The following SEMA6A variants were observed in gnomAD, a reference collection of about 807,000 sequenced individuals.
The protein encoded by SEMA6A is semaphorin 6A.
SEMA6A carries 25 observed loss-of-function variants against 96.8 expected under a neutral mutation model. The observed-to-expected ratio is 0.26, with a 90% CI of 0.19 to 0.36. SEMA6A has a LOEUF of 0.36. Among genes scored for constraint, SEMA6A ranks in the 10% least tolerant of loss-of-function variants. The pLI is 1.00. For synonymous variants in SEMA6A, 612 were observed against 518.0 expected (o/e 1.18, Z -2.46); for missense variants, 1,363 against 1,323.1 (o/e 1.03, Z -0.47).
intron 1 of SEMA6A, among the ~76,000 whole-genome samples, chr5:116,551,651 TG>T (rs1430559800): frequency 4.4e-4 from 67 of 152,196 alleles, no homozygotes; most frequent in African/African-American, 1.5e-3. Flanking sequence ...TGCAGGTCAG[TG>T]ACATGCAGTC....
intron 1 of SEMA6A, among the ~76,000 whole-genome samples, chr5:116,518,720 G>C (rs1432601506): frequency 6.6e-6 from 1 of 152,174 alleles, no homozygotes; most frequent in Non-Finnish European, 1.5e-5. Flanking sequence ...ACAGAAAATG[G>C]ATAAACGTCT....
rs964318494 is a variant in SEMA6A, at chr5:116,455,016, T to C, written c.1895-7205A>G. On this transcript the variant is annotated intron_variant, in intron 18 of 18. Transcript: ENST00000343348. ...CATATTGAAATAATGCTTGGAGTGG[T>C]TGACTGTAGATGAACCCACTTCCAC... Among the ~76,000 whole-genome samples the C allele has an allele frequency of 3.3e-5, 5 of 152,280 alleles. No individual in the cohort carries two copies. The East Asian group carries it at 5.8e-4, about 18-fold the overall frequency.
intron 18 of SEMA6A, among the ~76,000 whole-genome samples, chr5:116,457,720 T>C (rs1755104170): frequency 6.6e-6 from 1 of 152,100 alleles, no homozygotes; most frequent in Non-Finnish European, 1.5e-5. Flanking sequence ...TCCACTACAT[T>C]TCGGTAGTAT....
At chr5:116,450,944 G>T (rs1052358404) in intron 18 of SEMA6A, among the ~76,000 whole-genome samples, 2 of 152,174 alleles carry the variant, frequency 1.3e-5, no homozygotes, top group Non-Finnish European at 2.9e-5. Flanking sequence ...GGCCAAAGAA[G>T]CATTCACAGA....
Position 116,475,568 on chromosome 5 carries a change from G to A in SEMA6A, c.1685C>T (p.Thr562Ile). 6.2e-7 allele frequency: 1 copy of A among 1,603,998 alleles called. No individual in the cohort carries two copies. The highest frequency in any genetic ancestry group is 1.3e-5 in the African/African-American group (1 of 74,884). The change falls in exon 16 of 19, where the codon ACA (threonine) becomes ATA (isoleucine). Residue 562 changes from threonine to isoleucine, a missense_variant. Transcript: ENST00000343348. Reference sequence around the variant, plus strand: ...ACTGTGACAGTCCCCCAGACCATCTGTATTGCCACGCTCTATGTCCTGCTC... The same window carrying A: ...ACTGTGACAGTCCCCCAGACCATCTATATTGCCACGCTCTATGTCCTGCTC... ...TFEQDIERGN[T>I]DGLGDCHNSF... is the part of the protein sequence containing the mutation.
chr5:116,462,741 T>G (rs982391604), intron 18 of SEMA6A, among the ~76,000 whole-genome samples: 1 of 152,182 alleles, frequency 6.6e-6, no homozygotes, highest in Non-Finnish European at 1.5e-5. Context: ...TTCTTCCAAA[T>G]GTCAGAACAA....
intron 18 of SEMA6A, among the ~76,000 whole-genome samples, chr5:116,465,715 G>C (rs938935999): frequency 6.6e-6 from 1 of 152,140 alleles, no homozygotes; most frequent in Non-Finnish European, 1.5e-5. Context: ...TTAACGATTA[G>C]AGAAAATTCA....
Position 116,447,040 on chromosome 5 carries a change from C to G in SEMA6A, c.2666G>C (p.Gly889Ala). Residue 889 changes from glycine to alanine, a missense_variant, in exon 19 of 19, where the codon GGT (glycine) becomes GCT (alanine). By Grantham distance (60) the Gly-to-Ala change is moderately conservative (BLOSUM62 0). This residue lies in a region of SEMA6A where 883 missense variants were observed against 763.6 expected (regional missense o/e 1.16). Transcript: ENST00000343348. ...CTGAGACAGGGAGGCTCCCGGGGGA[C>G]CCAGGGAGGCCTCCCGCTGTGGAAC... ...PKVPQREASL[G>A]PPGASLSQTG... is the part of the protein sequence containing the mutation. The G allele has an allele frequency of 6.2e-7, 1 of 1,613,906 alleles. No homozygotes were observed. Among genetic ancestry groups the G allele is most frequent in the Non-Finnish European group, 8.5e-7 (1 of 1,179,866 alleles).
intron 1 of SEMA6A, among the ~76,000 whole-genome samples, chr5:116,512,528 A>C (rs1758458456): frequency 6.6e-6 from 1 of 152,212 alleles, no homozygotes; most frequent in African/African-American, 2.4e-5. Context: ...TAGATCTGAA[A>C]CCACTATCAC....
chr5:116,495,469 C>T lies in SEMA6A; in HGVS notation c.388G>A (p.Asp130Asn). 6.2e-7 allele frequency: 1 copy of T among 1,609,486 alleles called. No homozygotes were observed. The change falls in exon 6 of 19, where the codon GAT (aspartate) becomes AAT (asparagine). Residue 130 changes from aspartate to asparagine, a missense_variant. Asp to Asn is a conservative substitution (Grantham distance 23). Transcript: ENST00000343348. ...FIKVLLKKNDDALFVCGTNAF... is the reference protein window; with the variant it reads ...FIKVLLKKNDNALFVCGTNAF... Reference sequence around the variant, plus strand: ...TTAGTTCCACAGACAAACAATGCATCATCGTTTTTCTTTAGAAGAACTTTA... The same window carrying T: ...TTAGTTCCACAGACAAACAATGCATTATCGTTTTTCTTTAGAAGAACTTTA...
At chr5:116,487,378 T>G (rs1757110446) in intron 9 of SEMA6A, 2 of 180,406 alleles carry the variant, frequency 1.1e-5, no homozygotes, top group East Asian at 1.6e-4. Context: ...CTTAGGGACC[T>G]TGATCTACTC....
chr5:116,472,821 A>G (rs1346767449), intron 17 of SEMA6A: 3 of 1,273,510 alleles, frequency 2.4e-6, no homozygotes, highest in Admixed American at 3.0e-5. Flanking sequence ...AATGAAAACT[A>G]TAAACTACTG....
At chr5:116,565,000 A>G (rs1397835517) in intron 1 of SEMA6A, among the ~76,000 whole-genome samples, 1 of 152,256 alleles carries the variant, frequency 6.6e-6, no homozygotes, top group Non-Finnish European at 1.5e-5. Context: ...CAAATTATGG[A>G]GCAGAAATTT....
chr5:116,478,927 A>AGT (rs1312532391), intron 12 of SEMA6A, among the ~76,000 whole-genome samples: 5 of 90,102 alleles, frequency 5.5e-5, no homozygotes, highest in Non-Finnish European at 1.2e-4. Flanking sequence ...GAGGTGTGAG[A>AGT]GAGTGTGTGT....
chr5:116,552,520 C>T (rs1168793924), intron 1 of SEMA6A, among the ~76,000 whole-genome samples: 1 of 151,984 alleles, frequency 6.6e-6, no homozygotes, highest in Non-Finnish European at 1.5e-5. Flanking sequence ...TGAAATACTC[C>T]GGGTTCATTA....
At chr5:116,533,622 A>T (rs1759585235) in intron 1 of SEMA6A, among the ~76,000 whole-genome samples, 1 of 152,200 alleles carries the variant, frequency 6.6e-6, no homozygotes, top group Non-Finnish European at 1.5e-5. Flanking sequence ...AGGACTGTGA[A>T]ACAAATTTAG....
At chr5:116,541,595 A>G (rs1759965437) in intron 1 of SEMA6A, among the ~76,000 whole-genome samples, 1 of 152,162 alleles carries the variant, frequency 6.6e-6, no homozygotes, top group Non-Finnish European at 1.5e-5. Context: ...CACTTTGGGA[A>G]GCTGAGGTGA....
Position 116,475,600 on chromosome 5 carries a change from C to A in SEMA6A, c.1653G>T (p.Leu551=). 1.3e-6 allele frequency: 2 copies of A among 1,598,658 alleles called. No homozygotes were observed. The highest frequency in any genetic ancestry group is 2.3e-5 in the South Asian group (2 of 87,770). The change falls in exon 16 of 19, where the codon CTG becomes CTT. Residue 551 remains leucine, a synonymous_variant. Coordinates refer to ENST00000343348, the MANE Select transcript of SEMA6A (RefSeq NM_020796.5). Reference sequence around the variant, plus strand: ...CACGCTCTATGTCCTGCTCAAAAGTCAGTCTTTTAAAAAAGGAAGGGAAAG... The same window carrying A: ...CACGCTCTATGTCCTGCTCAAAAGTAAGTCTTTTAAAAAAGGAAGGGAAAG... ...ACSHLSPNSR[L]TFEQDIERGN... is the part of the protein sequence containing the mutation.
intron 1 of SEMA6A, among the ~76,000 whole-genome samples, chr5:116,526,961 GAAAAAACTGTTATCTTGAGA>G (rs1333873959): frequency 1.3e-5 from 2 of 152,062 alleles, no homozygotes; most frequent in African/African-American, 4.8e-5. Flanking sequence ...CCAGCATGAG[GAAAAAACTGTTATCTTGAGA>G]AAAGTAAATT....
Sources: gnomAD v4.1 joint callset for allele counts (sites outside exome capture counted in the v4.1 genomes callset) on GRCh38, gnomAD v4.1.1 for gene constraint, gnomAD v4.1.1 regional missense constraint, MANE v1.5 for transcripts, NCBI Gene and HGNC (gene_info 2026-07-23, HGNC 2026-07-21) for gene names.